The following C11orf65 variants were observed in gnomAD, a reference collection of about 807,000 sequenced individuals.
The protein encoded by C11orf65 is chromosome 11 open reading frame 65.
In C11orf65, 38 loss-of-function variants were observed where a neutral mutation model predicts 35.3. The ratio of observed to expected loss-of-function variants is 1.08; its 90% CI spans 0.83 to 1.41. The LOEUF is 1.41. C11orf65 is among the 40% of genes most tolerant of loss of function. The pLI is 0.00. For synonymous variants in C11orf65, 105 were observed against 114.4 expected (o/e 0.92, Z 0.53); for missense variants, 370 against 367.1 (o/e 1.01, Z -0.06).
intron 6 of C11orf65, chr11:108,312,524 A>T (rs2084261704): frequency 6.8e-7 from 1 of 1,477,222 alleles, no homozygotes; most frequent in African/African-American, 1.4e-5. Flanking sequence ...TCTATTATTT[A>T]TGACAGTATT....
intron 2 of C11orf65, among the ~76,000 whole-genome samples, chr11:108,439,715 G>T (rs557740387): frequency 5.3e-5 from 8 of 152,198 alleles, no homozygotes; most frequent in African/African-American, 1.9e-4. Flanking sequence ...AGTAAAATAA[G>T]CCAGATACAA....
At chr11:108,408,702 AT>A (rs2092597384) in intron 3 of C11orf65, among the ~76,000 whole-genome samples, 1 of 125,834 alleles carries the variant, frequency 7.9e-6, no homozygotes, top group Non-Finnish European at 1.7e-5. Flanking sequence ...ATAAAATAAA[AT>A]AAAATAAAAT....
At chr11:108,464,376 A>C (rs1399119145) in intron 1 of C11orf65, among the ~76,000 whole-genome samples, 2 of 151,936 alleles carry the variant, frequency 1.3e-5, no homozygotes, top group Admixed American at 1.3e-4. Flanking sequence ...GGTGCACTGC[A>C]ACCTCCGCCT....
intron 2 of C11orf65, among the ~76,000 whole-genome samples, chr11:108,439,691 A>G (rs1316343341): frequency 5.9e-5 from 9 of 152,236 alleles, no homozygotes; most frequent in Admixed American, 1.3e-4. Context: ...ATGAACATTG[A>G]AAATGTTATG....
At chr11:108,363,558 T>C (rs1367826589) in intron 2 of C11orf65, among the ~76,000 whole-genome samples, 1 of 152,138 alleles carries the variant, frequency 6.6e-6, no homozygotes, top group African/African-American at 2.4e-5. Context: ...GAGATGAGGA[T>C]AGTATTGGCA....
intron 3 of C11orf65, among the ~76,000 whole-genome samples, chr11:108,419,821 TG>T (rs908674904): frequency 6.6e-6 from 1 of 152,224 alleles, no homozygotes; most frequent in African/African-American, 2.4e-5. Flanking sequence ...TACTTAATGA[TG>T]AAATATTGAT....
chr11:108,331,679 C>T (rs1410448104), intron 3 of C11orf65: 4 of 1,352,512 alleles, frequency 3.0e-6, no homozygotes, highest in Non-Finnish European at 3.0e-6. Context: ...TATTTTTTGT[C>T]TTCTCACATC....
chr11:108,377,115 C>A (rs1173126896), intron 2 of C11orf65, among the ~76,000 whole-genome samples: 1 of 151,120 alleles, frequency 6.6e-6, no homozygotes, highest in Non-Finnish European at 1.5e-5. Context: ...AGGGAATCCT[C>A]CCTAACTCAT....
intron 2 of C11orf65, among the ~76,000 whole-genome samples, chr11:108,433,422 C>G (rs2093020069): frequency 6.6e-6 from 1 of 151,042 alleles, no homozygotes; most frequent in South Asian, 2.1e-4. Context: ...ACTAAAAATA[C>G]AAAAAAAATT....
intron 2 of C11orf65, among the ~76,000 whole-genome samples, chr11:108,370,645 C>T (rs1280724270): frequency 1.3e-5 from 2 of 148,754 alleles, no homozygotes; most frequent in Non-Finnish European, 3.0e-5. Flanking sequence ...GTGTGTATTT[C>T]CCTTATCAGA....
At chr11:108,361,397 C>T (rs1340368034) in intron 2 of C11orf65, among the ~76,000 whole-genome samples, 1 of 151,548 alleles carries the variant, frequency 6.6e-6, no homozygotes, top group East Asian at 1.9e-4. Context: ...GATTCAATGG[C>T]ATCCCCATCA....
chr11:108,448,431 C>T (rs1188686784), intron 2 of C11orf65, among the ~76,000 whole-genome samples: 1 of 152,178 alleles, frequency 6.6e-6, no homozygotes, highest in African/African-American at 2.4e-5. Context: ...AAAAGCTTAT[C>T]CACCATGAGC....
At chr11:108,349,496 C>G (rs1234508267) in intron 2 of C11orf65, among the ~76,000 whole-genome samples, 3 of 152,136 alleles carry the variant, frequency 2.0e-5, no homozygotes, top group African/African-American at 2.4e-5. Context: ...AACCCCATCT[C>G]TACTAAAATA....
chr11:108,338,384 G>A (rs961579304), intron 2 of C11orf65, among the ~76,000 whole-genome samples: 2 of 152,134 alleles, frequency 1.3e-5, no homozygotes, highest in Non-Finnish European at 2.9e-5. Context: ...GCCAGATGCA[G>A]TGGCTCATGC....
In C11orf65 at chr11:108,448,580, A is replaced by C. The variant is rs540080176; in HGVS notation, c.81+12899T>G. On this transcript the variant is annotated intron_variant, in intron 2 of 8. Coordinates refer to ENST00000393084, the MANE Select transcript of C11orf65 (RefSeq NM_152587.5). ...TCAGAAAAGGCCTTTGACAAAATTC[A>C]ACAACCCTTCATGCTAAAAACTCTC... 7.2e-5 allele frequency among the ~76,000 whole-genome samples: 11 copies of C among 152,346 alleles called. No individual in the cohort carries two copies. The South Asian group carries it at 2.3e-3, about 32-fold the overall frequency.
At chr11:108,400,541 CA>C (rs1235338943) in intron 6 of C11orf65, among the ~76,000 whole-genome samples, 3 of 152,178 alleles carry the variant, frequency 2.0e-5, no homozygotes, top group African/African-American at 7.2e-5. Context: ...TGTGAAAATA[CA>C]GACTGCTTCT....
chr11:108,336,117 T>G, intron 2 of C11orf65: 1 of 598,254 alleles, frequency 1.7e-6, no homozygotes, highest in Non-Finnish European at 2.9e-6. Flanking sequence ...AGCAACATAG[T>G]GAGACCCCAT....
intron 6 of C11orf65, chr11:108,310,135 G>A (rs1470514299): frequency 1.9e-6 from 3 of 1,604,408 alleles, no homozygotes; most frequent in Admixed American, 1.7e-5. Context: ...AAAAGTGAAT[G>A]ACATTATATC....
At chr11:108,346,298 TATC>T (rs1223798883) in intron 2 of C11orf65, among the ~76,000 whole-genome samples, 1 of 151,906 alleles carries the variant, frequency 6.6e-6, no homozygotes, top group East Asian at 1.9e-4. Flanking sequence ...AACCTCTAAA[TATC>T]ATCACCTAGT....
Sources: allele counts gnomAD v4.1 joint callset (sites outside exome capture counted in the v4.1 genomes callset), GRCh38; gene constraint gnomAD v4.1.1; transcripts MANE v1.5; gene names NCBI Gene and HGNC (gene_info 2026-07-23, HGNC 2026-07-21).